The following PCSK5 variants were observed in gnomAD, a reference collection of about 807,000 sequenced individuals.
PCSK5 encodes proprotein convertase subtilisin/kexin type 5.
In PCSK5, 129 loss-of-function variants were observed where a neutral mutation model predicts 233.2. The ratio of observed to expected loss-of-function variants is 0.55; its 90% CI spans 0.48 to 0.64. The LOEUF (loss-of-function observed/expected upper bound fraction) is 0.64. PCSK5 is among the 30% of genes least tolerant of loss of function. The probability of loss-of-function intolerance (pLI) is 0.00; values close to 1 mark genes in which losing one functional copy is unlikely to be tolerated. For synonymous variants in PCSK5, 825 were observed against 879.2 expected (o/e 0.94, Z 1.09); for missense variants, 2,076 against 2,430.1 (o/e 0.85, Z 3.06).
Position 76,239,032 on chromosome 9 carries a change from T to A in PCSK5, c.2940T>A (p.Thr980=). Residue 980 remains threonine (T), a synonymous_variant, in exon 23 of 38, where the codon ACT becomes ACA. Transcript: ENST00000674117. ...GCTGCCCAGAGGGCCACTATGCCAC[T>A]GAGGGGAACACCTGCCTGCCCTGCC... ...GDSCPEGHYA[T]EGNTCLPCPD... is the part of the protein sequence containing the mutation. 1 of 1,612,130 alleles carries A rather than the reference T, an allele frequency of 6.2e-7. No homozygotes were observed. Among genetic ancestry groups the A allele is most frequent in the Non-Finnish European group, 8.5e-7 (1 of 1,179,630 alleles).
intron 8 of PCSK5, 115 bp downstream of exon 8, chr9:76,096,217 A>AC: frequency 1.8e-5 from 12 of 669,822 alleles, no homozygotes; most frequent in East Asian, 2.7e-5. Context: ...ACACACACAG[A>AC]AGTAATATAT....
intron 9 of PCSK5, among the ~76,000 whole-genome samples, chr9:76,114,538 C>T (rs1456014224): frequency 1.3e-5 from 2 of 152,108 alleles, no homozygotes; most frequent in African/African-American, 4.8e-5. Flanking sequence ...CAGGCTCATT[C>T]ACCTTGGATT....
At chr9:76,127,885 G>C (rs1822577332) in intron 9 of PCSK5, among the ~76,000 whole-genome samples, 1 of 152,078 alleles carries the variant, frequency 6.6e-6, no homozygotes, top group Non-Finnish European at 1.5e-5. Flanking sequence ...AGACTTTCAA[G>C]AGGTTCAGTA....
chr9:75,891,074 G>GCGGCCCGGGGCTGCGAGCTGCGT lies in PCSK5; in HGVS notation c.-94_-93insGAGCTGCGTCGGCCCGGGGCTGC. Reference sequence around the variant, plus strand: ...CGATCGCCCGGGGCTGCGAGCTGCGGCGGCCCGGGGCTGCTCGCCGGGCGG... The same window carrying GCGGCCCGGGGCTGCGAGCTGCGT: ...CGATCGCCCGGGGCTGCGAGCTGCGGCGGCCCGGGGCTGCGAGCTGCGTCGGCCCGGGGCTGCTCGCCGGGCGG... On this transcript the variant is annotated 5_prime_UTR_variant, in exon 1 of 38. Coordinates refer to ENST00000674117, the MANE Select transcript of PCSK5 (RefSeq NM_001372043.1). 2 of 1,052,930 alleles carry GCGGCCCGGGGCTGCGAGCTGCGT rather than the reference G, an allele frequency of 1.9e-6. No individual in the cohort carries two copies. Among genetic ancestry groups the GCGGCCCGGGGCTGCGAGCTGCGT allele is most frequent in the Non-Finnish European group, 2.5e-6 (2 of 796,512 alleles). 65.2% of individuals were successfully genotyped at this position (1,052,930 alleles called of 1,614,324 possible).
At chr9:76,181,918 A>G (rs1028652270) in intron 16 of PCSK5, among the ~76,000 whole-genome samples, 2 of 152,198 alleles carry the variant, frequency 1.3e-5, no homozygotes, top group Non-Finnish European at 2.9e-5. Context: ...AACAAGGTTC[A>G]GCCACACAGG....
chr9:76,220,483 C>G (rs188019193), intron 20 of PCSK5, among the ~76,000 whole-genome samples: 1 of 148,372 alleles, frequency 6.7e-6, no homozygotes, highest in Non-Finnish European at 1.5e-5. Flanking sequence ...GCTGAAAATG[C>G]GCCACAGCAC....
intron 1 of PCSK5, among the ~76,000 whole-genome samples, chr9:75,908,112 A>AG (rs1042273114): frequency 5.1e-4 from 77 of 152,360 alleles, no homozygotes; most frequent in African/African-American, 1.8e-3. Context: ...AAACAAACTC[A>AG]GGACAAATAG....
intron 5 of PCSK5, among the ~76,000 whole-genome samples, chr9:76,048,200 G>C (rs540455612): frequency 6.6e-6 from 1 of 152,218 alleles, no homozygotes; most frequent in South Asian, 2.1e-4. Flanking sequence ...AAATCAGTTT[G>C]CTTGATTTGA....
chr9:76,131,096 A>C (rs1822746428), intron 9 of PCSK5, among the ~76,000 whole-genome samples: 1 of 152,126 alleles, frequency 6.6e-6, no homozygotes, highest in Admixed American at 6.6e-5. Flanking sequence ...TTCCCTGCAG[A>C]GAGCACTCAG....
chr9:76,067,452 A>T (rs560157339), intron 5 of PCSK5, among the ~76,000 whole-genome samples: 5 of 152,294 alleles, frequency 3.3e-5, no homozygotes, highest in African/African-American at 1.2e-4. Flanking sequence ...TTTAAAGCAC[A>T]TCACGTTTCT....
At position 76,181,601 on chromosome 9, in the gene PCSK5, C is replaced by T; in HGVS notation, c.2197+10C>T. On this transcript the variant is annotated intron_variant, in intron 16 of 37. Coordinates refer to ENST00000674117, the MANE Select transcript of PCSK5 (RefSeq NM_001372043.1). ...TCATATCAGGATACCAGTAAGCTCA[C>T]TTCAAATACTTGGGTTTTAGAGAAG... is the stretch of plus-strand genomic sequence containing the variant. 4 of 1,586,660 alleles carry T rather than the reference C, an allele frequency of 2.5e-6. No homozygotes were observed. Among genetic ancestry groups the T allele is most frequent in the Non-Finnish European group, 3.4e-6 (4 of 1,160,122 alleles).
rs1465054926 is a variant in PCSK5 at position 76,103,815 on chromosome 9, GAGA to G, written c.1108-3433_1108-3431del. ...CAAATGATATTTTCTTGAGCAATCT[GAGA>G]AGTTCTTTGGAGAAAAATTCTGTTT... On this transcript the variant is annotated intron_variant, in intron 8 of 37. Coordinates refer to ENST00000674117, the MANE Select transcript of PCSK5 (RefSeq NM_001372043.1). Among the ~76,000 whole-genome samples the G allele has an allele frequency of 3.3e-5, 5 of 152,332 alleles. No individual in the cohort carries two copies. In the East Asian group the frequency reaches 9.7e-4, roughly 29 times the overall value.
chr9:76,293,646 C>T (rs1389248019), intron 25 of PCSK5, among the ~76,000 whole-genome samples: 2 of 152,278 alleles, frequency 1.3e-5, no homozygotes, highest in Non-Finnish European at 1.5e-5. Flanking sequence ...GACAGGGTTT[C>T]GCCATGTTGG....
At position 76,358,689 on chromosome 9, in the gene PCSK5, G is replaced by T; in HGVS notation, c.5431G>T (p.Asp1811Tyr). The change falls in exon 38 of 38, where the codon GAC (aspartate) becomes TAC (tyrosine). Residue 1811 changes from aspartate to tyrosine, a missense_variant. By Grantham distance (160) the Asp-to-Tyr change is radical (BLOSUM62 -3). Transcript: ENST00000674117. ...AAKAGYEKLA[D>Y]PNKSYSSYKS... ...AAAGGCCGGCTATGAAAAACTGGCC[G>T]ACCCCAACAAGTCTTACTCCTCCTA... 1 of 1,612,786 alleles carries T rather than the reference G, an allele frequency of 6.2e-7. No homozygotes were observed. The highest frequency in any genetic ancestry group is 2.2e-5 in the East Asian group (1 of 44,876).
intron 1 of PCSK5, among the ~76,000 whole-genome samples, chr9:75,918,548 A>G (rs747719256): frequency 1.3e-5 from 2 of 152,238 alleles, no homozygotes; most frequent in Non-Finnish European, 2.9e-5. Context: ...CTTAGGAGAC[A>G]TCAAACTATA....
chr9:76,170,327 T>C (rs1435779333), intron 13 of PCSK5, among the ~76,000 whole-genome samples: 2 of 152,222 alleles, frequency 1.3e-5, no homozygotes, highest in Admixed American at 6.5e-5. Flanking sequence ...TATTCTTCCC[T>C]GCATGAGCCC....
At chr9:76,139,047 C>T (rs1050937720) in intron 10 of PCSK5, among the ~76,000 whole-genome samples, 3 of 151,992 alleles carry the variant, frequency 2.0e-5, no homozygotes, top group African/African-American at 4.8e-5. Flanking sequence ...TCTTAGCCTC[C>T]GAGGCCTTAA....
Position 76,328,194 on chromosome 9 carries a change from GC to G in PCSK5, c.4526del (p.Ala1509GlyfsTer10), listed in dbSNP as rs1829425805. On this transcript the variant is annotated frameshift_variant, in exon 33 of 38. Transcript: ENST00000674117. LOFTEE classifies it high-confidence loss of function. Reference sequence around the variant, plus strand: ...TAAGTGCTTCCACTGCATGGGGCCGGCGGAGGACCAGTGTCAAACATGCCCC... The same window carrying G: ...TAAGTGCTTCCACTGCATGGGGCCGGGGAGGACCAGTGTCAAACATGCCCC... ...HVKCFHCMGP[A>X]EDQCQTCPMN... 6.2e-7 allele frequency: 1 copy of G among 1,612,734 alleles called. No homozygotes were observed. The highest frequency in any genetic ancestry group is 8.5e-7 in the Non-Finnish European group (1 of 1,179,866).
At chr9:76,325,408 G>A (rs1172417606) in intron 32 of PCSK5, among the ~76,000 whole-genome samples, 1 of 152,136 alleles carries the variant, frequency 6.6e-6, no homozygotes, top group East Asian at 1.9e-4. Context: ...AATCACCTGG[G>A]CAGCTCTTAA....
Sources: allele counts gnomAD v4.1 joint callset (sites outside exome capture counted in the v4.1 genomes callset), GRCh38; gene constraint gnomAD v4.1.1; transcripts MANE v1.5; gene names NCBI Gene and HGNC (gene_info 2026-07-23, HGNC 2026-07-21).